GRIP1: variants seen among roughly 807,000 people sequenced by gnomAD.
GRIP1 encodes glutamate receptor interacting protein 1.
GRIP1 carries 45 observed loss-of-function variants against 129.9 expected under a neutral mutation model. The observed-to-expected ratio is 0.35, with a 90% confidence interval of 0.27 to 0.44. The LOEUF (loss-of-function observed/expected upper bound fraction) is 0.44. GRIP1 is among the 20% of genes least tolerant of loss of function. The probability of loss-of-function intolerance (pLI) is 1.00; values close to 1 mark genes in which losing one functional copy is unlikely to be tolerated. For missense variants in GRIP1, 1,196 were observed against 1,396.8 expected, an observed-to-expected ratio of 0.86 and a Z score of 2.29; for synonymous variants, 530 against 520.8, an observed-to-expected ratio of 1.02 and a Z score of -0.24.
chr12:66,716,785 A>T (rs2035902905), intron 1 of GRIP1, among the ~76,000 whole-genome samples: 1 of 152,006 alleles, frequency 6.6e-6, no homozygotes, highest in South Asian at 2.1e-4. Flanking sequence ...AAGAAAATCG[A>T]GGTGGCAGGT....
intron 7 of GRIP1, among the ~76,000 whole-genome samples, chr12:66,479,645 G>C (rs991856524): frequency 2.6e-5 from 4 of 152,178 alleles, no homozygotes; most frequent in Non-Finnish European, 4.4e-5. Flanking sequence ...CAGTATCCCT[G>C]ATGAACATCA....
intron 1 of GRIP1, among the ~76,000 whole-genome samples, chr12:66,644,779 A>G (rs1004027503): frequency 6.6e-6 from 1 of 152,222 alleles, no homozygotes; most frequent in Non-Finnish European, 1.5e-5. Context: ...GAAAGAATAA[A>G]AAGCTGTTTC....
chr12:66,975,445 A>G (rs1186088690), intron 1 of GRIP1, among the ~76,000 whole-genome samples: 1 of 152,222 alleles, frequency 6.6e-6, no homozygotes, highest in Non-Finnish European at 1.5e-5. Flanking sequence ...TGGCAGTGCT[A>G]CAAATAGCAA....
intron 7 of GRIP1, among the ~76,000 whole-genome samples, chr12:66,501,616 TCTAA>T (rs1473437752): frequency 2.0e-5 from 3 of 152,278 alleles, no homozygotes; most frequent in African/African-American, 4.8e-5. Flanking sequence ...GCCATTCTTG[TCTAA>T]CTAATACATA....
chr12:66,474,382 G>C (rs1408947384), intron 7 of GRIP1, among the ~76,000 whole-genome samples: 1 of 152,128 alleles, frequency 6.6e-6, no homozygotes, highest in Non-Finnish European at 1.5e-5. Context: ...AGAGAGAATG[G>C]AACTGAGCTG....
chr12:66,788,793 T>C (rs116481134), intron 1 of GRIP1, among the ~76,000 whole-genome samples: 2,089 of 152,204 alleles, frequency 0.014, 53 homozygotes, highest in African/African-American at 0.045. Flanking sequence ...CGAGAGATGA[T>C]TGTAGCCCCA....
chr12:66,492,215 C>T (rs1041603503), intron 7 of GRIP1, among the ~76,000 whole-genome samples: 22 of 150,978 alleles, frequency 1.5e-4, no homozygotes, highest in East Asian at 5.8e-4. Flanking sequence ...AGATGTGAAA[C>T]GAGACAAATG....
Position 66,360,179 on chromosome 12 carries a change from A to ATTTT in GRIP1, c.3013-6620_3013-6617dup, listed in dbSNP as rs762881398. The stretch of plus-strand genomic sequence containing the variant: ...GCTGTGTTCTTTCCACCAAATCATG[A>ATTTT]TTTTTTTTTTTTTCGACATGTAATC... On this transcript the variant is annotated intron_variant, in intron 23 of 24. Transcript: ENST00000359742. Among the ~76,000 whole-genome samples, 355 of 120,122 alleles carry ATTTT rather than the reference A, an allele frequency of 3.0e-3. 2 individuals are homozygous for ATTTT. Among genetic ancestry groups the ATTTT allele is most frequent in the African/African-American group, 9.3e-3 (301 of 32,364 alleles). 78.8% of individuals were successfully genotyped at this position (120,122 alleles called of 152,430 possible). A position where few individuals can be genotyped will look rare whatever the true frequency, so the allele number is the denominator to read the frequency against.
intron 14 of GRIP1, among the ~76,000 whole-genome samples, chr12:66,427,047 T>A (rs758000380): frequency 6.6e-5 from 10 of 152,192 alleles, no homozygotes; most frequent in Non-Finnish European, 1.5e-4. Context: ...AAGGTCATTC[T>A]TAGCAGTCTT....
intron 1 of GRIP1, among the ~76,000 whole-genome samples, chr12:66,925,937 C>T (rs1264334294): frequency 3.3e-5 from 5 of 152,048 alleles, no homozygotes; most frequent in Non-Finnish European, 7.4e-5. Flanking sequence ...AGCCACTGCG[C>T]CCAGCCAGTA....
chr12:66,642,744 T>C (rs2032043383), intron 1 of GRIP1, among the ~76,000 whole-genome samples: 1 of 152,126 alleles, frequency 6.6e-6, no homozygotes, highest in Non-Finnish European at 1.5e-5. Context: ...TGAGTAAGAA[T>C]AGGCATACCT....
intron 1 of GRIP1, among the ~76,000 whole-genome samples, chr12:66,723,601 C>T (rs2036164191): frequency 6.6e-6 from 1 of 152,026 alleles, no homozygotes; most frequent in Non-Finnish European, 1.5e-5. Flanking sequence ...GCATGAGCCA[C>T]CACGCCTGGC....
chr12:66,853,489 G>A (rs1364012699), intron 1 of GRIP1, among the ~76,000 whole-genome samples: 1 of 151,940 alleles, frequency 6.6e-6, no homozygotes, highest in Non-Finnish European at 1.5e-5. Flanking sequence ...ATCTGAGGGA[G>A]CCATTTTAAC....
intron 1 of GRIP1, among the ~76,000 whole-genome samples, chr12:66,637,468 A>G (rs1206195473): frequency 6.6e-6 from 1 of 152,058 alleles, no homozygotes; most frequent in Non-Finnish European, 1.5e-5. Flanking sequence ...AACAATTTAA[A>G]TGAATAAAAA....
At chr12:66,956,739 G>C (rs953045087) in intron 1 of GRIP1, among the ~76,000 whole-genome samples, 2 of 152,138 alleles carry the variant, frequency 1.3e-5, no homozygotes, top group East Asian at 3.8e-4. Flanking sequence ...CTAGGGAATG[G>C]TATTTAGAAA....
chr12:66,764,837 G>A (rs2037580888), intron 1 of GRIP1, among the ~76,000 whole-genome samples: 1 of 152,078 alleles, frequency 6.6e-6, no homozygotes, highest in Non-Finnish European at 1.5e-5. Context: ...AGATAAGGAG[G>A]GCAGCTTAAG....
At position 67,007,560 on chromosome 12, in the gene GRIP1, T is replaced by C. The variant is rs192123669; in HGVS notation, c.58+61490A>G. 3.9e-5 allele frequency among the ~76,000 whole-genome samples: 6 copies of C among 152,272 alleles called. No homozygotes were observed. The East Asian group carries it at 1.2e-3, about 29-fold the overall frequency. On this transcript the variant is annotated intron_variant, in intron 1 of 1. Coordinates refer to the GRIP1 transcript ENST00000643019. The stretch of plus-strand genomic sequence containing the variant: ...TGATGGGCAAATATGATGTCGGTGT[T>C]GAGACTTTCACATGCAATTGTTGTT...
At chr12:66,625,007 T>C (rs2029872169) in intron 1 of GRIP1, among the ~76,000 whole-genome samples, 1 of 151,886 alleles carries the variant, frequency 6.6e-6, no homozygotes, top group Non-Finnish European at 1.5e-5. Context: ...GTTCCTTTTT[T>C]TTTTTTTAAA....
At chr12:66,534,467 T>C (rs74560614) in intron 4 of GRIP1, among the ~76,000 whole-genome samples, 3,764 of 152,310 alleles carry the variant, frequency 0.025, 153 homozygotes, top group African/African-American at 0.087. Flanking sequence ...TCAGATCTTA[T>C]GATGCTGTTC....
Sources: gnomAD v4.1 joint callset for allele counts (sites outside exome capture counted in the v4.1 genomes callset) on GRCh38, gnomAD v4.1.1 for gene constraint, MANE v1.5 for transcripts, NCBI Gene and HGNC (gene_info 2026-07-23, HGNC 2026-07-21) for gene names.